KIF13B: variants seen among roughly 807,000 people sequenced by gnomAD.
KIF13B encodes kinesin-like protein KIF13B.
In KIF13B, 127 loss-of-function variants were observed where a neutral mutation model predicts 222.0. The observed-to-expected ratio is 0.57, with a 90% CI of 0.50 to 0.66. KIF13B has a LOEUF of 0.66. Among genes scored for constraint, KIF13B ranks in the 30% least tolerant of loss-of-function variants. The pLI, the probability that KIF13B is intolerant of heterozygous loss-of-function variation, is 0.00. For missense variants in KIF13B, 2,173 were observed against 2,379.0 expected, an observed-to-expected ratio of 0.91 and a Z score of 1.80; for synonymous variants, 976 against 919.0, an observed-to-expected ratio of 1.06 and a Z score of -1.12.
At chr8:29,215,447 G>C (rs1814433586) in intron 2 of KIF13B, among the ~76,000 whole-genome samples, 1 of 152,206 alleles carries the variant, frequency 6.6e-6, no homozygotes, top group African/African-American at 2.4e-5. Context: ...CAGCACTTTA[G>C]GAGGCTGAGG....
chr8:29,252,751 TATA>T (rs939113534), intron 1 of KIF13B, among the ~76,000 whole-genome samples: 18 of 152,328 alleles, frequency 1.2e-4, no homozygotes, highest in African/African-American at 4.3e-4. Context: ...CCAATTGGAA[TATA>T]ATATTTAATG....
At chr8:29,158,568 C>A (rs1045779571) in intron 13 of KIF13B, among the ~76,000 whole-genome samples, 1 of 152,184 alleles carries the variant, frequency 6.6e-6, no homozygotes, top group Non-Finnish European at 1.5e-5. Context: ...CTGAAGTCAT[C>A]CAGAGACGTG....
intron 1 of KIF13B, among the ~76,000 whole-genome samples, chr8:29,256,935 A>G (rs1399892018): frequency 1.3e-5 from 2 of 152,066 alleles, no homozygotes; most frequent in Admixed American, 6.5e-5. Context: ...CTGTATTTTT[A>G]GTAGAGACAG....
At chr8:29,108,497 A>C (rs1352691891) in intron 34 of KIF13B, among the ~76,000 whole-genome samples, 2 of 152,262 alleles carry the variant, frequency 1.3e-5, no homozygotes, top group Non-Finnish European at 2.9e-5. Context: ...GAAAGATACC[A>C]GGTTACTTGT....
intron 2 of KIF13B, among the ~76,000 whole-genome samples, chr8:29,230,997 CA>C (rs1271672405): frequency 1.3e-5 from 2 of 152,190 alleles, no homozygotes; most frequent in African/African-American, 4.8e-5. Flanking sequence ...CCTCTTGTCT[CA>C]GCCTCCCAAG....
intron 2 of KIF13B, among the ~76,000 whole-genome samples, chr8:29,223,174 A>C (rs529299937): frequency 6.9e-4 from 104 of 150,100 alleles, no homozygotes; most frequent in African/African-American, 2.4e-3. Context: ...CAAAAAAAAA[A>C]AAAACAAAAA....
At chr8:29,118,032 C>T (rs1809683088) in intron 30 of KIF13B, among the ~76,000 whole-genome samples, 1 of 151,770 alleles carries the variant, frequency 6.6e-6, no homozygotes, top group South Asian at 2.1e-4. Context: ...ATGGCATGTG[C>T]CTGTACTCAC....
chr8:29,105,589 A>T (rs973125257), intron 35 of KIF13B, among the ~76,000 whole-genome samples: 11 of 145,902 alleles, frequency 7.5e-5, no homozygotes, highest in African/African-American at 2.8e-4. Context: ...TTTGAAGTAG[A>T]TTCTATTATT....
intron 1 of KIF13B, among the ~76,000 whole-genome samples, chr8:29,252,936 C>G (rs775342419): frequency 1.3e-5 from 2 of 152,100 alleles, no homozygotes; most frequent in Non-Finnish European, 2.9e-5. Flanking sequence ...ATAACCTAAT[C>G]ACTACTTTTA....
chr8:29,226,901 AATTT>A (rs1815051086), intron 2 of KIF13B, among the ~76,000 whole-genome samples: 1 of 152,202 alleles, frequency 6.6e-6, no homozygotes, highest in African/African-American at 2.4e-5. Flanking sequence ...ATCTGTTCTT[AATTT>A]ATTTATATTC....
chr8:29,148,092 C>G (rs1018055786), intron 16 of KIF13B, among the ~76,000 whole-genome samples: 1 of 151,830 alleles, frequency 6.6e-6, no homozygotes, highest in Non-Finnish European at 1.5e-5. Context: ...CCCAGCTACT[C>G]AGGAGGCTGA....
rs1430036838 is a variant in KIF13B, at chr8:29,068,590, GGT to G, written c.*1912_*1913del. 6.6e-6 allele frequency: 1 copy of G among 152,302 alleles called. No individual in the cohort carries two copies. Among genetic ancestry groups the G allele is most frequent in the Non-Finnish European group, 1.5e-5 (1 of 68,138 alleles). The allele number at this position is 152,302 out of a possible 1,614,324, so 9.4% of individuals were successfully genotyped here. On this transcript the variant is annotated 3_prime_UTR_variant, in exon 40 of 40. Coordinates refer to ENST00000524189, the MANE Select transcript of KIF13B (RefSeq NM_015254.4). The surrounding 1 kb of genome is among the most constrained non-coding windows in gnomAD (Gnocchi z 4.4). ...ATGGTGCTACAGGAGGCCGCTGCTG[GGT>G]GGATGGCTCAGCCACCACGAAGTGC... is the stretch of plus-strand genomic sequence containing the variant.
chr8:29,155,958 A>C, intron 13 of KIF13B, 102 bp from the exon 14 acceptor site: 1 of 912,858 alleles, frequency 1.1e-6, no homozygotes, highest in South Asian at 1.6e-5. Context: ...TACCTTTGCG[A>C]AAATTTTTTT....
chr8:29,070,446 C>G lies in KIF13B; in HGVS notation c.*58G>C. On this transcript the variant is annotated 3_prime_UTR_variant, in exon 40 of 40. Transcript: ENST00000524189. This position sits in a 1 kb window ranked among gnomAD's most constrained non-coding sequence, Gnocchi z 4.1. ...GGCTCCTGGCTCCTCAGGGCTGTCACTGGCAGGGCTCAAAAGGGGCCGGGC... is the reference window on the plus strand; with the variant it reads ...GGCTCCTGGCTCCTCAGGGCTGTCAGTGGCAGGGCTCAAAAGGGGCCGGGC... 1 of 1,583,336 alleles carries G rather than the reference C, an allele frequency of 6.3e-7. No homozygotes were observed. The highest frequency in any genetic ancestry group is 1.8e-4 in the Middle Eastern group (1 of 5,612).
chr8:29,252,442 TTAA>T (rs1816319886), intron 1 of KIF13B, among the ~76,000 whole-genome samples: 1 of 152,342 alleles, frequency 6.6e-6, no homozygotes, highest in African/African-American at 2.4e-5. Context: ...CTCCAGAAAA[TTAA>T]TAATAATTTC....
In KIF13B at chr8:29,173,620, C is replaced by CA. The variant is rs143695269; in HGVS notation, c.945+2447dup. ...CTGGACAACAGAGAGACCCTGTCTC[C>CA]AAAAAAAAAAAGACTTCTTCTATTA... On this transcript the variant is annotated intron_variant, in intron 10 of 39. Coordinates refer to ENST00000524189, the MANE Select transcript of KIF13B (RefSeq NM_015254.4). 5.9e-3 allele frequency among the ~76,000 whole-genome samples: 809 copies of CA among 136,906 alleles called. 4 individuals carry two copies. Among genetic ancestry groups the CA allele is most frequent in the African/African-American group, 8.4e-3 (308 of 36,758 alleles). The allele number at this position is 136,906 out of a possible 152,430, so 89.8% of individuals were successfully genotyped here. A position where few individuals can be genotyped will look rare whatever the true frequency, so the allele number is the denominator to read the frequency against.
chr8:29,082,038 C>A (rs1021368128), intron 37 of KIF13B, among the ~76,000 whole-genome samples: 1 of 152,170 alleles, frequency 6.6e-6, no homozygotes, highest in Non-Finnish European at 1.5e-5. Context: ...AAACAAAGAA[C>A]CTAAGATTTC....
At chr8:29,158,490 G>A (rs1240708207) in intron 13 of KIF13B, among the ~76,000 whole-genome samples, 1 of 152,148 alleles carries the variant, frequency 6.6e-6, no homozygotes, top group Admixed American at 6.5e-5. Context: ...TAAGAGAACT[G>A]TACAGCTGGA....
At chr8:29,200,842 C>T (rs1813663676) in intron 2 of KIF13B, among the ~76,000 whole-genome samples, 1 of 152,208 alleles carries the variant, frequency 6.6e-6, no homozygotes, top group Admixed American at 6.5e-5. Context: ...TTCCTCCTGA[C>T]TAAATCCAGA....
Sources: gnomAD v4.1 joint callset for allele counts (sites outside exome capture counted in the v4.1 genomes callset) on GRCh38, gnomAD v4.1.1 for gene constraint, Gnocchi (gnomAD v3.1) non-coding constraint, MANE v1.5 for transcripts, NCBI Gene and HGNC (gene_info 2026-07-23, HGNC 2026-07-21) for gene names.